The following DENND1A variants were observed in gnomAD, a reference collection of about 807,000 sequenced individuals.
DENND1A encodes the protein DENN domain-containing protein 1A.
In DENND1A, 51 loss-of-function variants were observed where a neutral mutation model predicts 113.7. The observed-to-expected ratio is 0.45, with a 90% CI of 0.36 to 0.57. The LOEUF (loss-of-function observed/expected upper bound fraction) is 0.57, where lower values mean the gene tolerates loss of function less well. Among genes scored for constraint, DENND1A ranks in the 20% least tolerant of loss-of-function variants. DENND1A has a pLI of 0.00. For synonymous variants in DENND1A, 565 were observed against 570.8 expected, an observed-to-expected ratio of 0.99 and a Z score of 0.14; for missense variants, 1,258 against 1,395.9, an observed-to-expected ratio of 0.90 and a Z score of 1.57.
chr9:123,815,073 G>T (rs1393390168), intron 2 of DENND1A, among the ~76,000 whole-genome samples: 4 of 152,126 alleles, frequency 2.6e-5, no homozygotes, highest in African/African-American at 9.7e-5. Flanking sequence ...AATCTCACTA[G>T]AAAAGAAAGC....
intron 10 of DENND1A, among the ~76,000 whole-genome samples, chr9:123,615,807 C>T (rs1395321708): frequency 6.6e-6 from 1 of 152,202 alleles, no homozygotes; most frequent in African/African-American, 2.4e-5. Context: ...GTGCCATGTG[C>T]AGAGCAGGAA....
chr9:123,427,457 T>A (rs1312040682), intron 19 of DENND1A, among the ~76,000 whole-genome samples: 1 of 152,092 alleles, frequency 6.6e-6, no homozygotes, highest in South Asian at 2.1e-4. Context: ...GCTGTGCCCA[T>A]CTCTACACCC....
intron 2 of DENND1A, among the ~76,000 whole-genome samples, chr9:123,835,476 T>C (rs1215605828): frequency 3.9e-5 from 6 of 152,016 alleles, no homozygotes; most frequent in Non-Finnish European, 7.4e-5. Context: ...AGTTTTATAA[T>C]GGTCAAGCAC....
At chr9:123,622,811 A>G (rs1488847118) in intron 10 of DENND1A, among the ~76,000 whole-genome samples, 1 of 152,200 alleles carries the variant, frequency 6.6e-6, no homozygotes, top group East Asian at 1.9e-4. Flanking sequence ...ACAGTACTCA[A>G]TAGATGGTGA....
chr9:123,672,844 A>G (rs2063832985), intron 6 of DENND1A, among the ~76,000 whole-genome samples: 2 of 152,258 alleles, frequency 1.3e-5, no homozygotes, highest in Non-Finnish European at 2.9e-5. Flanking sequence ...TTATAGCAGC[A>G]GAAAACAAAC....
Position 123,779,872 on chromosome 9 carries a change from C to CTTTTTTTTT in DENND1A, c.133-10310_133-10309insAAAAAAAAA, listed in dbSNP as rs72419269. ...CCTTTCACATTCCACTTGCATGAGA[C>CTTTTTTTTT]TTTTTTTTGAGACGGAGTCTCGCTC... On this transcript the variant is annotated intron_variant, in intron 3 of 23. Transcript: ENST00000394215. Among the ~76,000 whole-genome samples, 137 of 143,916 alleles carry CTTTTTTTTT rather than the reference C, an allele frequency of 9.5e-4. 7 individuals carry two copies. Among genetic ancestry groups the CTTTTTTTTT allele is most frequent in the Middle Eastern group, 3.5e-3 (1 of 282 alleles). 94.4% of individuals were successfully genotyped at this position (143,916 alleles called of 152,430 possible).
intron 4 of DENND1A, among the ~76,000 whole-genome samples, chr9:123,761,656 T>C (rs2071050755): frequency 6.6e-6 from 1 of 152,120 alleles, no homozygotes; most frequent in African/African-American, 2.4e-5. Context: ...TAATTCCTGG[T>C]AGGGTGAAGT....
chr9:123,743,494 G>A (rs955867968), intron 5 of DENND1A, among the ~76,000 whole-genome samples: 8 of 152,162 alleles, frequency 5.3e-5, no homozygotes, highest in Non-Finnish European at 8.8e-5. Flanking sequence ...CACTTTGGGA[G>A]GCTGGGGTGG....
intron 11 of DENND1A, among the ~76,000 whole-genome samples, chr9:123,600,672 GGAGTTTGCTTAGGCCGGGT>G (rs986028538): frequency 1.3e-5 from 2 of 152,080 alleles, no homozygotes; most frequent in African/African-American, 2.4e-5. Flanking sequence ...TTTAAACAAA[GGAGTTTGCTTAGGCCGGGT>G]GTGGTGGTGC....
At chr9:123,452,789 G>A (rs146377926) in intron 16 of DENND1A, among the ~76,000 whole-genome samples, 1 of 152,256 alleles carries the variant, frequency 6.6e-6, no homozygotes, top group African/African-American at 2.4e-5. Context: ...GTGGGGCCCT[G>A]ATCAGCCAGG....
At chr9:123,600,834 A>AT (rs2059908556) in intron 11 of DENND1A, among the ~76,000 whole-genome samples, 1 of 151,826 alleles carries the variant, frequency 6.6e-6, no homozygotes, top group African/African-American at 2.4e-5. Flanking sequence ...CCATCATAAA[A>AT]AAAAAAAAGG....
chr9:123,627,845 G>C (rs1313657242), intron 10 of DENND1A, among the ~76,000 whole-genome samples: 2 of 152,180 alleles, frequency 1.3e-5, no homozygotes, highest in African/African-American at 4.8e-5. Context: ...ACCAGAGGGG[G>C]CTGAGTGAGC....
At chr9:123,725,574 G>A (rs1490022854) in intron 5 of DENND1A, among the ~76,000 whole-genome samples, 1 of 152,250 alleles carries the variant, frequency 6.6e-6, no homozygotes, top group Admixed American at 6.5e-5. Flanking sequence ...CAAGGCCGCA[G>A]TTAACCACGA....
intron 8 of DENND1A, among the ~76,000 whole-genome samples, chr9:123,663,714 C>G (rs1357985341): frequency 1.3e-5 from 2 of 151,952 alleles, no homozygotes; most frequent in African/African-American, 4.8e-5. Context: ...CAGTATTAAT[C>G]TTTTACAACA....
At chr9:123,721,089 C>G (rs1341735924) in intron 5 of DENND1A, among the ~76,000 whole-genome samples, 1 of 152,212 alleles carries the variant, frequency 6.6e-6, no homozygotes, top group Non-Finnish European at 1.5e-5. Context: ...CCCTCTCTGC[C>G]CCAATGCAGA....
chr9:123,640,228 C>T (rs1039848113), intron 9 of DENND1A, among the ~76,000 whole-genome samples: 10 of 152,194 alleles, frequency 6.6e-5, no homozygotes, highest in African/African-American at 1.2e-4. Flanking sequence ...AATAGAGGTT[C>T]AAGTGTGTTA....
At chr9:123,470,325 T>C (rs1054091706) in intron 13 of DENND1A, among the ~76,000 whole-genome samples, 1 of 134,278 alleles carries the variant, frequency 7.4e-6, no homozygotes, top group Non-Finnish European at 1.6e-5. Context: ...CCCACTGAAA[T>C]CTCAACCTCA....
At chr9:123,728,514 G>C (rs1438028872) in intron 5 of DENND1A, among the ~76,000 whole-genome samples, 1 of 78,274 alleles carries the variant, frequency 1.3e-5, no homozygotes, top group African/African-American at 6.9e-5. Context: ...AAAAAAACAG[G>C]CATCAGTCAT....
intron 5 of DENND1A, among the ~76,000 whole-genome samples, chr9:123,682,218 G>A (rs138479684): frequency 1.3e-5 from 2 of 152,102 alleles, no homozygotes; most frequent in African/African-American, 2.4e-5. Context: ...CTATAAAAGA[G>A]AAATAAAAAT....
Sources: gnomAD v4.1 joint callset for allele counts (sites outside exome capture counted in the v4.1 genomes callset) on GRCh38, gnomAD v4.1.1 for gene constraint, MANE v1.5 for transcripts, NCBI Gene and HGNC (gene_info 2026-07-23, HGNC 2026-07-21) for gene names.